Variants in CACNA1C observed in about 807,000 individuals in gnomAD.
CACNA1C encodes the protein calcium voltage-gated channel subunit alpha1 C.
A neutral mutation model predicts 229.0 loss-of-function variants in CACNA1C; 30 were observed. The observed-to-expected ratio is 0.13, with a 90% CI of 0.10 to 0.18. The LOEUF (loss-of-function observed/expected upper bound fraction) is 0.18. Among genes scored for constraint, CACNA1C ranks in the 10% least tolerant of loss-of-function variants. The pLI is 1.00. For missense variants in CACNA1C, 1,658 were observed against 2,845.0 expected, an observed-to-expected ratio of 0.58 and a Z score of 9.49; for synonymous variants, 1,114 against 1,132.5, an observed-to-expected ratio of 0.98 and a Z score of 0.33.
At chr12:2,016,230 T>C (rs2045337047) in intron 1 of CACNA1C, among the ~76,000 whole-genome samples, 1 of 152,182 alleles carries the variant, frequency 6.6e-6, no homozygotes, top group Non-Finnish European at 1.5e-5. Flanking sequence ...GAGTGTCTTA[T>C]TAGGTGCCAA....
rs548718876 is a variant in CACNA1C, at chr12:2,111,980, G to A, written c.50-3244G>A. 1.1e-4 allele frequency among the ~76,000 whole-genome samples: 16 copies of A among 152,262 alleles called. No homozygotes were observed. The South Asian group carries it at 1.5e-3, about 14-fold the overall frequency. On this transcript the variant is annotated intron_variant, in intron 1 of 46. Transcript: ENST00000399655. ...TCAGAAATCCAGCCCCTTGTATCTC[G>A]AGGCCTGGAGAAGCCCAGGAGGAGG...
At chr12:2,356,424 C>T (rs559919749) in intron 3 of CACNA1C, among the ~76,000 whole-genome samples, 1 of 152,360 alleles carries the variant, frequency 6.6e-6, no homozygotes, top group South Asian at 2.1e-4. Flanking sequence ...TGGTATGGAG[C>T]TGAGCTCCTC....
intron 32 of CACNA1C, among the ~76,000 whole-genome samples, chr12:2,652,998 C>T (rs888144559): frequency 9.9e-5 from 15 of 152,242 alleles, no homozygotes; most frequent in African/African-American, 3.1e-4. Flanking sequence ...CCTGCTCTGA[C>T]GGCACCCTCT....
At chr12:2,239,783 G>T (rs984443131) in intron 3 of CACNA1C, among the ~76,000 whole-genome samples, 1 of 152,134 alleles carries the variant, frequency 6.6e-6, no homozygotes, top group Admixed American at 6.5e-5. Context: ...CAGCCATTGC[G>T]CCCATCTGTT....
chr12:2,662,000 C>A (rs142730796), intron 34 of CACNA1C, among the ~76,000 whole-genome samples: 1 of 152,032 alleles, frequency 6.6e-6, no homozygotes, highest in Non-Finnish European at 1.5e-5. Flanking sequence ...CCCAGCACTT[C>A]GGGAGGCCAA....
At chr12:2,683,031 T>C (rs2097255847) in intron 43 of CACNA1C, among the ~76,000 whole-genome samples, 1 of 152,066 alleles carries the variant, frequency 6.6e-6, no homozygotes, top group Non-Finnish European at 1.5e-5. Context: ...AGACTCAGTA[T>C]GCACATACAT....
intron 11 of CACNA1C, among the ~76,000 whole-genome samples, chr12:2,564,357 T>A (rs2049139060): frequency 6.6e-6 from 1 of 152,178 alleles, no homozygotes; most frequent in Non-Finnish European, 1.5e-5. Flanking sequence ...AGATTCTGCA[T>A]GCTTATTTAG....
chr12:2,345,953 C>T (rs1645426819), intron 3 of CACNA1C, among the ~76,000 whole-genome samples: 1 of 152,188 alleles, frequency 6.6e-6, no homozygotes, highest in South Asian at 2.1e-4. Context: ...CAGGACCCTG[C>T]CTGGCTACAT....
rs2075071847 is a variant in CACNA1C, at chr12:2,605,862, T to C, written c.3156+76T>C. The C allele has an allele frequency of 2.9e-6, 3 of 1,019,320 alleles. No individual in the cohort carries two copies. The highest frequency in any genetic ancestry group is 1.6e-5 in the African/African-American group (1 of 63,510). The allele number at this position is 1,019,320 out of a possible 1,614,324, so 63.1% of individuals were successfully genotyped here. Reference sequence around the variant, plus strand: ...TCCTGGGGAAGGGAACTGGCAGATATAGTACAAACGAGACAGTGTCCTGAG... The same window carrying C: ...TCCTGGGGAAGGGAACTGGCAGATACAGTACAAACGAGACAGTGTCCTGAG... On this transcript the variant is annotated intron_variant, in intron 24 of 46. Coordinates refer to ENST00000399655, the MANE Select transcript of CACNA1C (RefSeq NM_000719.7). The surrounding 1 kb of genome is among the most constrained non-coding windows in gnomAD (Gnocchi z 6.2).
At chr12:1,982,324 C>G (rs955891748) in intron 1 of CACNA1C, among the ~76,000 whole-genome samples, 3 of 152,106 alleles carry the variant, frequency 2.0e-5, no homozygotes, top group African/African-American at 7.2e-5. Flanking sequence ...ATCTCCAGAA[C>G]TTTTTCATCA....
At chr12:2,258,420 C>T (rs1171832784) in intron 3 of CACNA1C, among the ~76,000 whole-genome samples, 6 of 152,010 alleles carry the variant, frequency 3.9e-5, no homozygotes, top group Admixed American at 6.5e-5. Context: ...ATTTTTTCCT[C>T]AAGTTTTTTT....
intron 18 of CACNA1C, among the ~76,000 whole-genome samples, chr12:2,587,214 A>T (rs1236549913): frequency 6.6e-6 from 1 of 152,268 alleles, no homozygotes; most frequent in Non-Finnish European, 1.5e-5. Context: ...CCAACAAAAA[A>T]AAAATGGGGA....
intron 1 of CACNA1C, among the ~76,000 whole-genome samples, chr12:2,028,266 C>A (rs2047660648): frequency 6.6e-6 from 1 of 152,178 alleles, no homozygotes; most frequent in Non-Finnish European, 1.5e-5. Context: ...GGGTCTGCAT[C>A]CTCCCTCCCC....
At position 2,665,594 on chromosome 12, in the gene CACNA1C, T is replaced by G; in HGVS notation, c.4412T>G (p.Phe1471Cys). 1 of 1,613,662 alleles carries G rather than the reference T, an allele frequency of 6.2e-7. No individual in the cohort carries two copies. Among genetic ancestry groups the G allele is most frequent in the Non-Finnish European group, 8.5e-7 (1 of 1,179,684 alleles). The stretch of plus-strand genomic sequence containing the variant: ...TGTTCCCCACAGATCATCAACCTCT[T>G]TGTAGCTGTCATCATGGACAACTTT... ...MLCAFLIINL[F>C]VAVIMDNFDY... The change falls in exon 36 of 47, where the codon TTT (phenylalanine) becomes TGT (cysteine). Residue 1471 changes from phenylalanine (F) to cysteine (C), a missense_variant. Physicochemically the swap from Phe to Cys is radical, Grantham distance 205. Transcript: ENST00000399655. This position sits in a 1 kb window ranked among gnomAD's most constrained non-coding sequence, Gnocchi z 5.9.
At chr12:2,390,752 C>T (rs2098467185) in intron 3 of CACNA1C, among the ~76,000 whole-genome samples, 1 of 152,046 alleles carries the variant, frequency 6.6e-6, no homozygotes, top group African/African-American at 2.4e-5. Context: ...AAAGAGAGAG[C>T]AAGAGCTAAA....
At chr12:2,506,679 G>T (rs1056508168) in intron 8 of CACNA1C, among the ~76,000 whole-genome samples, 2 of 152,176 alleles carry the variant, frequency 1.3e-5, no homozygotes, top group Non-Finnish European at 2.9e-5. Context: ...TAAGTGATTT[G>T]TACAACGTCA....
At chr12:2,040,500 C>T (rs76163305) in intron 1 of CACNA1C, among the ~76,000 whole-genome samples, 3 of 152,134 alleles carry the variant, frequency 2.0e-5, no homozygotes, top group Non-Finnish European at 2.9e-5. Flanking sequence ...ATTTTGTTAT[C>T]AAAGTCTAAG....
chr12:2,457,663 C>A lies in CACNA1C; in HGVS notation c.714C>A (p.Ala238=). Residue 238 remains alanine (A), a synonymous_variant, in exon 5 of 47, where the codon GCC becomes GCA. Coordinates refer to ENST00000399655, the MANE Select transcript of CACNA1C (RefSeq NM_000719.7). ...GATTTGATGTGAAGGCGCTGAGGGC[C>A]TTCCGCGTGCTGCGCCCCCTGCGGC... ...GAGFDVKALR[A]FRVLRPLRLV... 6.2e-7 allele frequency: 1 copy of A among 1,608,422 alleles called. No individual in the cohort carries two copies. Among genetic ancestry groups the A allele is most frequent in the Non-Finnish European group, 8.5e-7 (1 of 1,177,924 alleles).
chr12:2,550,874 C>G (rs1418869906), intron 10 of CACNA1C, among the ~76,000 whole-genome samples: 1 of 152,214 alleles, frequency 6.6e-6, no homozygotes, highest in African/African-American at 2.4e-5. Context: ...GGCAGAGCAG[C>G]TCTCACAGCC....
Sources: gnomAD v4.1 joint callset for allele counts (sites outside exome capture counted in the v4.1 genomes callset) on GRCh38, gnomAD v4.1.1 for gene constraint, Gnocchi (gnomAD v3.1) non-coding constraint, MANE v1.5 for transcripts, NCBI Gene and HGNC (gene_info 2026-07-23, HGNC 2026-07-21) for gene names.